The following ROBO2 variants were observed in gnomAD, a reference collection of about 807,000 sequenced individuals.
The protein encoded by ROBO2 is roundabout homolog 2.
In ROBO2, 53 loss-of-function variants were observed where a neutral mutation model predicts 160.8. The ratio of observed to expected loss-of-function variants is 0.33; its 90% confidence interval spans 0.26 to 0.41. The LOEUF (loss-of-function observed/expected upper bound fraction) is 0.41. ROBO2 is among the 10% of genes least tolerant of loss of function. The probability of loss-of-function intolerance (pLI) is 1.00; values close to 1 mark genes in which losing one functional copy is unlikely to be tolerated. For missense variants in ROBO2, 1,577 were observed against 1,722.4 expected (o/e 0.92, Z 1.49); for synonymous variants, 664 against 611.7 (o/e 1.09, Z -1.26).
At chr3:77,026,229 C>A in intron 2 of ROBO2, among the ~76,000 whole-genome samples, 1 of 152,156 alleles carries the variant, frequency 6.6e-6, no homozygotes, top group South Asian at 2.1e-4. Flanking sequence ...TTGTGATATA[C>A]GTATCTGTAT....
chr3:76,593,660 A>G (rs962826682), intron 2 of ROBO2, among the ~76,000 whole-genome samples: 1 of 152,068 alleles, frequency 6.6e-6, no homozygotes, highest in Non-Finnish European at 1.5e-5. Context: ...GTACTTTATC[A>G]TCTGATATTT....
At chr3:77,280,620 C>T (rs1238722319) in intron 2 of ROBO2, among the ~76,000 whole-genome samples, 1 of 152,150 alleles carries the variant, frequency 6.6e-6, no homozygotes, top group Non-Finnish European at 1.5e-5. Flanking sequence ...GTCCATAACA[C>T]GACACTAGAA....
chr3:76,170,239 C>A (rs2072993184), intron 2 of ROBO2, among the ~76,000 whole-genome samples: 1 of 152,082 alleles, frequency 6.6e-6, no homozygotes. Flanking sequence ...ATAGCACAAC[C>A]CAAACTGGCA....
At chr3:77,537,108 G>GGC (rs1553650269) in intron 6 of ROBO2, among the ~76,000 whole-genome samples, 38 of 140,854 alleles carry the variant, frequency 2.7e-4, no homozygotes, top group African/African-American at 6.5e-4. Context: ...GTGGGGGGGG[G>GGC]GTGTATTACA....
chr3:76,095,174 C>A (rs1559548772), intron 2 of ROBO2, among the ~76,000 whole-genome samples: 1 of 151,582 alleles, frequency 6.6e-6, no homozygotes, highest in Admixed American at 6.6e-5. Flanking sequence ...ATATGGTGAA[C>A]AGAGAGAGAA....
At chr3:76,918,463 G>A (rs2076462940) in intron 2 of ROBO2, among the ~76,000 whole-genome samples, 1 of 152,156 alleles carries the variant, frequency 6.6e-6, no homozygotes, top group Admixed American at 6.5e-5. Context: ...TCATAGCAGT[G>A]TGAGAACAGA....
intron 2 of ROBO2, among the ~76,000 whole-genome samples, chr3:76,396,558 A>G (rs1311992223): frequency 2.0e-5 from 3 of 152,120 alleles, no homozygotes; most frequent in East Asian, 1.9e-4. Flanking sequence ...CGACATGATT[A>G]TATATCTAGA....
chr3:77,119,011 C>A (rs1169001783), intron 2 of ROBO2, among the ~76,000 whole-genome samples: 1 of 152,122 alleles, frequency 6.6e-6, no homozygotes, highest in African/African-American at 2.4e-5. Context: ...GTGATTGGAT[C>A]ATGGGTGAGG....
intron 2 of ROBO2, among the ~76,000 whole-genome samples, chr3:76,556,385 A>G (rs912842248): frequency 6.6e-6 from 1 of 152,172 alleles, no homozygotes; most frequent in South Asian, 2.1e-4. Flanking sequence ...TACTCAATCA[A>G]AGTAAAAATA....
At chr3:76,894,179 A>G (rs2074586591) in intron 2 of ROBO2, among the ~76,000 whole-genome samples, 1 of 152,154 alleles carries the variant, frequency 6.6e-6, no homozygotes, top group Admixed American at 6.5e-5. Context: ...TATTACCAAT[A>G]CTTGCATTAC....
At chr3:77,631,338 C>T (rs1020529150) in intron 23 of ROBO2, 8 of 152,122 alleles carry the variant, frequency 5.3e-5, no homozygotes, top group Admixed American at 1.3e-4. Context: ...CAAGGCAACA[C>T]TCCTAACTAT....
intron 2 of ROBO2, among the ~76,000 whole-genome samples, chr3:76,929,650 A>T (rs1320392937): frequency 6.6e-6 from 1 of 152,220 alleles, no homozygotes; most frequent in Non-Finnish European, 1.5e-5. Context: ...AAAAGACTCC[A>T]ATGTCTGTGC....
chr3:76,591,304 T>G (rs770160588), intron 2 of ROBO2, among the ~76,000 whole-genome samples: 1 of 152,034 alleles, frequency 6.6e-6, no homozygotes, highest in Non-Finnish European at 1.5e-5. Context: ...CTCCCTTGAG[T>G]AGACTGAGAA....
intron 2 of ROBO2, among the ~76,000 whole-genome samples, chr3:76,196,468 A>T (rs1015586724): frequency 6.6e-6 from 1 of 152,146 alleles, no homozygotes; most frequent in Non-Finnish European, 1.5e-5. Flanking sequence ...GATTGCTTTT[A>T]GTTATTATTG....
At chr3:75,915,415 C>G (rs1946769389) in intron 1 of ROBO2, among the ~76,000 whole-genome samples, 1 of 151,990 alleles carries the variant, frequency 6.6e-6, no homozygotes, top group Non-Finnish European at 1.5e-5. Context: ...TTAGTTGTGA[C>G]TATATGGAGA....
chr3:76,063,268 C>G (rs2107901912), intron 2 of ROBO2, among the ~76,000 whole-genome samples: 1 of 151,560 alleles, frequency 6.6e-6, no homozygotes, highest in East Asian at 1.9e-4. Flanking sequence ...TGGGCGAAGT[C>G]TAAAAATAGC....
chr3:77,062,116 G>A (rs2066385227), intron 1 of ROBO2, among the ~76,000 whole-genome samples: 1 of 152,060 alleles, frequency 6.6e-6, no homozygotes, highest in Admixed American at 6.6e-5. Flanking sequence ...TGATGTATGT[G>A]CCCTATAGAT....
At chr3:77,046,747 A>G (rs1437777111) in intron 1 of ROBO2, among the ~76,000 whole-genome samples, 3 of 152,184 alleles carry the variant, frequency 2.0e-5, no homozygotes, top group South Asian at 2.1e-4. Flanking sequence ...ATGACCAGCT[A>G]TTTTCTGAAG....
At chr3:77,561,130 G>A (rs1001143605) in intron 9 of ROBO2, among the ~76,000 whole-genome samples, 11 of 152,056 alleles carry the variant, frequency 7.2e-5, no homozygotes, top group Admixed American at 1.3e-4. Context: ...AATACATAAT[G>A]GCATTTAAAA....
Sources: gnomAD v4.1 joint callset for allele counts (sites outside exome capture counted in the v4.1 genomes callset) on GRCh38, gnomAD v4.1.1 for gene constraint, MANE v1.5 for transcripts, NCBI Gene and HGNC (gene_info 2026-07-23, HGNC 2026-07-21) for gene names.